Variants in CNTN4 observed in about 807,000 individuals in gnomAD.
CNTN4 encodes contactin-4.
A neutral mutation model predicts 122.5 loss-of-function variants in CNTN4; 77 were observed. The ratio of observed to expected loss-of-function variants is 0.63; its 90% CI spans 0.52 to 0.76. CNTN4 has a LOEUF of 0.76. CNTN4 is among the 30% of genes least tolerant of loss of function. The probability of loss-of-function intolerance (pLI) is 0.00; values close to 1 mark genes in which losing one functional copy is unlikely to be tolerated. For missense variants in CNTN4, 1,256 were observed against 1,259.1 expected, an observed-to-expected ratio of 1.00 and a Z score of 0.04; for synonymous variants, 512 against 447.0, an observed-to-expected ratio of 1.15 and a Z score of -1.83.
chr3:2,507,017 C>T (rs912985851), intron 3 of CNTN4, among the ~76,000 whole-genome samples: 1 of 152,056 alleles, frequency 6.6e-6, no homozygotes, highest in Non-Finnish European at 1.5e-5. Flanking sequence ...GCTCATTGTG[C>T]TGAATGTGGT....
chr3:2,564,546 G>A (rs115527528), intron 3 of CNTN4, among the ~76,000 whole-genome samples: 61 of 152,162 alleles, frequency 4.0e-4, no homozygotes, highest in Middle Eastern at 3.4e-3. Flanking sequence ...ATAGAATAAT[G>A]TAATTCAAAG....
intron 4 of CNTN4, among the ~76,000 whole-genome samples, chr3:2,590,886 T>A (rs9858725): frequency 0.039 from 5,959 of 152,114 alleles, 298 homozygotes; most frequent in East Asian, 0.18. Flanking sequence ...AAAAAAGCTG[T>A]ATTGAAGTAT....
At position 2,140,737 on chromosome 3, in the gene CNTN4, A is replaced by G. The variant is rs553100792; in HGVS notation, c.-145+40098A>G. On this transcript the variant is annotated intron_variant, in intron 2 of 24. Transcript: ENST00000418658. ...TTAAGAACTAGGTATATGTAAAAGC[A>G]TGGCTCCTTTTTTGGTACAAAGCTG... Among the ~76,000 whole-genome samples, 9 of 152,320 alleles carry G rather than the reference A, an allele frequency of 5.9e-5. No homozygotes were observed. In the South Asian group the frequency reaches 1.4e-3, roughly 25 times the overall value.
chr3:2,735,679 C>T lies in CNTN4; in HGVS notation c.56-536C>T, dbSNP rs565493050. Among the ~76,000 whole-genome samples, 4 of 152,254 alleles carry T rather than the reference C, an allele frequency of 2.6e-5. No individual in the cohort carries two copies. The South Asian group carries it at 8.3e-4, about 32-fold the overall frequency. On this transcript the variant is annotated intron_variant, in intron 4 of 24. Transcript: ENST00000418658. Reference sequence around the variant, plus strand: ...GCTGCAGATAATGTGAGAATAAAGACTGTAGGTTGTTCTTTATTTGCATAC... The same window carrying T: ...GCTGCAGATAATGTGAGAATAAAGATTGTAGGTTGTTCTTTATTTGCATAC...
At chr3:2,233,382 G>T (rs896625388) in intron 2 of CNTN4, among the ~76,000 whole-genome samples, 1 of 152,082 alleles carries the variant, frequency 6.6e-6, no homozygotes, top group Non-Finnish European at 1.5e-5. Context: ...TTAAGTGGTC[G>T]ATCAAGAAGC....
At chr3:2,924,114 C>T (rs2094452115) in intron 12 of CNTN4, among the ~76,000 whole-genome samples, 1 of 151,670 alleles carries the variant, frequency 6.6e-6, no homozygotes, top group Non-Finnish European at 1.5e-5. Context: ...ATGAGAATAC[C>T]AGCCCCAGGT....
chr3:2,705,911 TA>T (rs2086699428), intron 4 of CNTN4, among the ~76,000 whole-genome samples: 1 of 116,580 alleles, frequency 8.6e-6, no homozygotes, highest in Non-Finnish European at 1.7e-5. Flanking sequence ...ATATTATATA[TA>T]AAATATATGT....
At chr3:2,898,336 G>A (rs75763320) in intron 10 of CNTN4, among the ~76,000 whole-genome samples, 2,773 of 152,206 alleles carry the variant, frequency 0.018, 73 homozygotes, top group African/African-American at 0.064. Flanking sequence ...AATAAAGAAA[G>A]TGCCAGGTGA....
intron 3 of CNTN4, among the ~76,000 whole-genome samples, chr3:2,528,718 G>GT (rs1036323229): frequency 6.6e-6 from 1 of 151,780 alleles, no homozygotes; most frequent in Admixed American, 6.6e-5. Flanking sequence ...ATGAACCAAG[G>GT]TTTTTTTCAA....
At chr3:2,891,586 A>C (rs58325949) in intron 10 of CNTN4, among the ~76,000 whole-genome samples, 66,002 of 152,054 alleles carry the variant, frequency 0.43, 14,678 homozygotes, top group East Asian at 0.69. Flanking sequence ...AAAATGAGCT[A>C]GGCTTTCAAG....
At chr3:2,630,283 A>G (rs1278620855) in intron 4 of CNTN4, among the ~76,000 whole-genome samples, 1 of 152,132 alleles carries the variant, frequency 6.6e-6, no homozygotes, top group African/African-American at 2.4e-5. Flanking sequence ...AAAAAATACA[A>G]CAAAAATTAG....
At chr3:2,425,498 G>C (rs1019227288) in intron 3 of CNTN4, among the ~76,000 whole-genome samples, 2 of 152,276 alleles carry the variant, frequency 1.3e-5, no homozygotes, top group African/African-American at 4.8e-5. Flanking sequence ...TTGAAGTCAG[G>C]TAGCGTGATG....
At chr3:2,535,433 T>C (rs2077764342) in intron 3 of CNTN4, among the ~76,000 whole-genome samples, 1 of 152,192 alleles carries the variant, frequency 6.6e-6, no homozygotes, top group African/African-American at 2.4e-5. Context: ...TTTCTAATAC[T>C]ATCAGTGTAC....
At chr3:2,806,374 A>G (rs1027040679) in intron 6 of CNTN4, among the ~76,000 whole-genome samples, 2 of 152,172 alleles carry the variant, frequency 1.3e-5, no homozygotes, top group African/African-American at 4.8e-5. Context: ...TCCTCACAAC[A>G]TCTTCCACAC....
chr3:2,993,006 A>G (rs1212445989), intron 14 of CNTN4, among the ~76,000 whole-genome samples: 1 of 151,160 alleles, frequency 6.6e-6, no homozygotes, highest in East Asian at 1.9e-4. Flanking sequence ...CCTTATACAC[A>G]TCAGAGTTTA....
At chr3:2,567,616 C>T (rs1438354660) in intron 3 of CNTN4, among the ~76,000 whole-genome samples, 1 of 152,158 alleles carries the variant, frequency 6.6e-6, no homozygotes, top group Non-Finnish European at 1.5e-5. Context: ...TATCTTGCTG[C>T]TCTTTTATAG....
intron 2 of CNTN4, among the ~76,000 whole-genome samples, chr3:2,118,301 G>C (rs2033509583): frequency 6.6e-6 from 1 of 152,152 alleles, no homozygotes; most frequent in African/African-American, 2.4e-5. Context: ...GTGAGCTAAA[G>C]CTCTTAACCA....
chr3:3,050,788 G>C (rs1330078528), intron 23 of CNTN4, among the ~76,000 whole-genome samples: 1 of 86,024 alleles, frequency 1.2e-5, no homozygotes, highest in Non-Finnish European at 2.4e-5. Flanking sequence ...AAAAAATCCA[G>C]GCTCTGGAGC....
intron 3 of CNTN4, among the ~76,000 whole-genome samples, chr3:2,524,811 A>G (rs1444930587): frequency 6.6e-6 from 1 of 152,128 alleles, no homozygotes; most frequent in Non-Finnish European, 1.5e-5. Context: ...TAAGACCATG[A>G]TAAATGCAAC....
Sources: gnomAD v4.1 joint callset for allele counts (sites outside exome capture counted in the v4.1 genomes callset) on GRCh38, gnomAD v4.1.1 for gene constraint, MANE v1.5 for transcripts, NCBI Gene and HGNC (gene_info 2026-07-23, HGNC 2026-07-21) for gene names.